Variants in POLR1B observed in about 807,000 individuals in gnomAD.
The protein encoded by POLR1B is DNA-directed RNA polymerase I subunit RPA2.
Under a neutral mutation model 105.8 loss-of-function variants are expected in POLR1B, and 30 were observed. That is an observed-to-expected ratio of 0.28 (90% CI 0.21 to 0.38). The LOEUF is 0.38. Ranked by LOEUF, POLR1B falls within the 10% of genes least tolerant of loss-of-function variation. POLR1B has a pLI of 1.00. For synonymous variants in POLR1B, 485 were observed against 505.1 expected (o/e 0.96, Z 0.53); for missense variants, 976 against 1,435.8 (o/e 0.68, Z 5.17).
intron 7 of POLR1B, among the ~76,000 whole-genome samples, chr2:112,556,421 C>T (rs1031641274): frequency 6.6e-6 from 1 of 152,162 alleles, no homozygotes; most frequent in Admixed American, 6.6e-5. Flanking sequence ...ATTCCTTCTT[C>T]CCACACCTCT....
intron 6 of POLR1B, 117 bp from the exon 7 acceptor site, chr2:112,552,528 C>T: frequency 8.7e-7 from 1 of 1,143,338 alleles, no homozygotes; most frequent in Non-Finnish European, 1.2e-6. Context: ...AAACTGAATG[C>T]TTAATTTTAT....
intron 14 of POLR1B, among the ~76,000 whole-genome samples, chr2:112,574,239 A>C (rs1303030636): frequency 6.6e-6 from 1 of 152,186 alleles, no homozygotes; most frequent in Admixed American, 6.5e-5. Context: ...TGTTGAGCTC[A>C]TACCTCTTAT....
At chr2:112,548,281 G>A (rs1356668352) in intron 3 of POLR1B, 3 of 152,120 alleles carry the variant, frequency 2.0e-5, no homozygotes, top group African/African-American at 4.8e-5. Flanking sequence ...CAGCTCTTCC[G>A]CTTATCAGTC....
rs778790955 is a variant in POLR1B at position 112,572,584 on chromosome 2, A to G, written c.2097A>G (p.Pro699=). The G allele has an allele frequency of 6.3e-7, 1 of 1,586,426 alleles. No homozygotes were observed. The highest frequency in any genetic ancestry group is 1.2e-5 in the South Asian group (1 of 85,722). The change falls in exon 13 of 15, where the codon CCA becomes CCG. Residue 699 remains proline, a synonymous_variant. Transcript: ENST00000263331. Reference sequence around the variant, plus strand: ...TAGGTAAGCAAACTATGGGCTTTCCACTTCTCACTTATCAAGACCGATCGG... The same window carrying G: ...TAGGTAAGCAAACTATGGGCTTTCCGCTTCTCACTTATCAAGACCGATCGG... The part of the protein sequence containing the change: ...CQMGKQTMGF[P]LLTYQDRSDN...
intron 8 of POLR1B, among the ~76,000 whole-genome samples, chr2:112,558,893 A>G (rs1338567563): frequency 6.7e-6 from 1 of 148,158 alleles, no homozygotes; most frequent in African/African-American, 2.5e-5. Flanking sequence ...TGCTGGGATT[A>G]TAGCATGAAC....
In POLR1B at chr2:112,546,751, G is replaced by A. The variant is rs71414675; in HGVS notation, c.178-261G>A. Among the ~76,000 whole-genome samples, 3 of 151,728 alleles carry A rather than the reference G, an allele frequency of 2.0e-5. No individual in the cohort carries two copies. The South Asian group carries it at 6.3e-4, about 32-fold the overall frequency. ...TAATTTTTTTTGTATTTTTAGTAGA[G>A]ATGGGGTTTCACCGTGTTAGCCAGG... is the stretch of plus-strand genomic sequence containing the variant. On this transcript the variant is annotated intron_variant, in intron 1 of 14. Transcript: ENST00000263331.
intron 14 of POLR1B, among the ~76,000 whole-genome samples, chr2:112,574,442 A>G (rs1684756304): frequency 6.6e-6 from 1 of 152,198 alleles, no homozygotes; most frequent in Non-Finnish European, 1.5e-5. Flanking sequence ...TTTGCAGGCC[A>G]GGCACAGTAG....
At position 112,559,282 on chromosome 2, in the gene POLR1B, GT is replaced by G; in HGVS notation, c.1331-7del. ...ATTGGCCCATTTTTGAATGACTTTT[GT>G]TTTATTAAGGTCTTGGCCTCCTACA... On this transcript the variant is annotated splice_polypyrimidine_tract_variant and intron_variant, in intron 8 of 14. Coordinates refer to ENST00000263331, the MANE Select transcript of POLR1B (RefSeq NM_019014.6). 6.2e-7 allele frequency: 1 copy of G among 1,610,576 alleles called. No individual in the cohort carries two copies. The highest frequency in any genetic ancestry group is 8.5e-7 in the Non-Finnish European group (1 of 1,177,418).
chr2:112,542,754 ATGCATG>A, intron 1 of POLR1B, 83 bp downstream of exon 1: 1 of 1,491,348 alleles, frequency 6.7e-7, no homozygotes, highest in Non-Finnish European at 9.1e-7. Context: ...ATGACCCCAG[ATGCATG>A]TGCTCCTTGA....
At position 112,547,040 on chromosome 2, in the gene POLR1B, A is replaced by T. The variant is rs776118770; in HGVS notation, c.206A>T (p.Lys69Ile). 1.2e-6 allele frequency: 2 copies of T among 1,614,092 alleles called. No homozygotes were observed. The highest frequency in any genetic ancestry group is 3.3e-5 in the Admixed American group (2 of 60,002). ...ATACCTCCCTTTGAATTTGCTTTCA[A>T]AGATGAGCGTATCTCTTTTACTATT... ...QAIPPFEFAF[K>I]DERISFTILD... Residue 69 changes from lysine to isoleucine, a missense_variant, in exon 2 of 15, where the codon AAA (lysine) becomes ATA (isoleucine). Transcript: ENST00000263331.
intron 9 of POLR1B, among the ~76,000 whole-genome samples, chr2:112,562,494 G>A (rs888083158): frequency 1.3e-5 from 2 of 152,008 alleles, no homozygotes; most frequent in Non-Finnish European, 2.9e-5. Context: ...AATAAAGTGA[G>A]CCACATGAAT....
intron 1 of POLR1B, chr2:112,545,843 C>T (rs969034220): frequency 2.2e-5 from 8 of 360,388 alleles, no homozygotes; most frequent in Admixed American, 1.8e-4. Context: ...ACGGGGTCTC[C>T]CTATGTGGCC....
chr2:112,564,566 T>G, intron 10 of POLR1B, 67 bp downstream of exon 10: 6 of 1,605,108 alleles, frequency 3.7e-6, no homozygotes, highest in Non-Finnish European at 5.1e-6. Context: ...TTTCTAGTTT[T>G]GGGGTTAACC....
At chr2:112,549,129 T>C in intron 3 of POLR1B, 138 bp from the exon 4 acceptor site, 1 of 937,682 alleles carries the variant, frequency 1.1e-6, no homozygotes, top group South Asian at 1.6e-5. Flanking sequence ...CTGTGTACTG[T>C]TTTCAAGGGA....
chr2:112,553,111 T>A (rs565902806), intron 7 of POLR1B, among the ~76,000 whole-genome samples: 2 of 152,352 alleles, frequency 1.3e-5, no homozygotes, highest in South Asian at 4.1e-4. Context: ...TATTTGTAGA[T>A]TCTGTATTTG....
intron 10 of POLR1B, among the ~76,000 whole-genome samples, chr2:112,565,672 A>C (rs1302296068): frequency 6.6e-6 from 1 of 151,284 alleles, no homozygotes; most frequent in Admixed American, 6.6e-5. Context: ...TGATCCTCCC[A>C]CCTCAGCTTG....
rs778826547 is a variant in POLR1B, at chr2:112,542,504, G to A, written c.10G>A (p.Gly4Ser). The change falls in exon 1 of 15, where the codon GGC becomes AGC. Residue 4 changes from glycine to serine, a missense_variant. Coordinates refer to ENST00000263331, the MANE Select transcript of POLR1B (RefSeq NM_019014.6). ...GTGTGCAGGTGGCCACATGGATCCT[G>A]GCAGCCGGTGGCGGAACCTGCCCAG... MDP[G>S]SRWRNLPSGP... The A allele has an allele frequency of 6.2e-7, 1 of 1,613,982 alleles. No individual in the cohort carries two copies. Among genetic ancestry groups the A allele is most frequent in the South Asian group, 1.1e-5 (1 of 91,086 alleles).
chr2:112,561,706 A>G (rs1199417396), intron 9 of POLR1B, among the ~76,000 whole-genome samples: 1 of 152,224 alleles, frequency 6.6e-6, no homozygotes, highest in Non-Finnish European at 1.5e-5. Flanking sequence ...CTCAGCCAAC[A>G]GCAGTGTAAT....
At chr2:112,564,231 T>C (rs890930118) in intron 9 of POLR1B, 135 bp from the exon 10 acceptor site, 7 of 1,036,136 alleles carry the variant, frequency 6.8e-6, no homozygotes, top group Non-Finnish European at 9.6e-6. Context: ...AAAGAAATAA[T>C]GCCTGTACCT....
Sources: allele counts gnomAD v4.1 joint callset (sites outside exome capture counted in the v4.1 genomes callset), GRCh38; gene constraint gnomAD v4.1.1; transcripts MANE v1.5; gene names NCBI Gene and HGNC (gene_info 2026-07-23, HGNC 2026-07-21).